Variants in LDB2 observed in about 807,000 individuals in gnomAD.
LDB2 encodes LIM domain-binding protein 2.
LDB2 carries 12 observed loss-of-function variants against 44.3 expected under a neutral mutation model. The observed-to-expected ratio is 0.27, with a 90% CI of 0.17 to 0.44. The LOEUF (loss-of-function observed/expected upper bound fraction) is 0.44. Among genes scored for constraint, LDB2 ranks in the 20% least tolerant of loss-of-function variants. The pLI is 1.00. For synonymous variants in LDB2, 164 were observed against 174.8 expected, an observed-to-expected ratio of 0.94 and a Z score of 0.49; for missense variants, 344 against 473.5, an observed-to-expected ratio of 0.73 and a Z score of 2.54.
chr4:16,610,134 G>A (rs1725205970), intron 2 of LDB2, among the ~76,000 whole-genome samples: 1 of 151,828 alleles, frequency 6.6e-6, no homozygotes, highest in African/African-American at 2.4e-5. Flanking sequence ...ACTATTGAAA[G>A]AAAAACAAAC....
At chr4:16,631,649 C>T (rs2152495547) in intron 2 of LDB2, among the ~76,000 whole-genome samples, 1 of 152,100 alleles carries the variant, frequency 6.6e-6, no homozygotes, top group East Asian at 1.9e-4. Context: ...AATCCAGGAG[C>T]CGGTTTTTTG....
At chr4:16,794,927 G>C (rs1036938199) in intron 1 of LDB2, among the ~76,000 whole-genome samples, 1 of 152,182 alleles carries the variant, frequency 6.6e-6, no homozygotes, top group African/African-American at 2.4e-5. Flanking sequence ...ACAGTATTGA[G>C]CACTCATGGC....
chr4:16,527,956 G>A (rs998898301), intron 5 of LDB2, among the ~76,000 whole-genome samples: 2 of 151,098 alleles, frequency 1.3e-5, no homozygotes, highest in Non-Finnish European at 2.9e-5. Flanking sequence ...AAAGCTGGGA[G>A]GAAAAGTGAA....
chr4:16,736,337 C>A (rs1761912098), intron 2 of LDB2, among the ~76,000 whole-genome samples: 2 of 152,228 alleles, frequency 1.3e-5, no homozygotes, highest in African/African-American at 2.4e-5. Context: ...ACTCAACACA[C>A]AACACTCCTG....
intron 1 of LDB2, among the ~76,000 whole-genome samples, chr4:16,779,712 A>T (rs1409846131): frequency 1.3e-5 from 2 of 152,220 alleles, no homozygotes; most frequent in Non-Finnish European, 2.9e-5. Context: ...TGAATAGGGC[A>T]AGTTAGTTTT....
chr4:16,544,424 C>T (rs1206014150), intron 5 of LDB2, among the ~76,000 whole-genome samples: 1 of 152,100 alleles, frequency 6.6e-6, no homozygotes, highest in Non-Finnish European at 1.5e-5. Flanking sequence ...GTTTGGATTT[C>T]ACTGTGAGAT....
chr4:16,543,104 C>T (rs752122514), intron 5 of LDB2, among the ~76,000 whole-genome samples: 12 of 152,110 alleles, frequency 7.9e-5, no homozygotes, highest in Non-Finnish European at 1.6e-4. Flanking sequence ...GACATGAATT[C>T]ATCCTTTTTA....
intron 1 of LDB2, among the ~76,000 whole-genome samples, chr4:16,861,944 CAGA>C (rs1312687790): frequency 6.6e-6 from 1 of 152,202 alleles, no homozygotes; most frequent in Non-Finnish European, 1.5e-5. Flanking sequence ...ACTCTTTGCT[CAGA>C]TGCCCCAGCC....
At chr4:16,787,421 T>G (rs1321134600) in intron 1 of LDB2, among the ~76,000 whole-genome samples, 1 of 152,162 alleles carries the variant, frequency 6.6e-6, no homozygotes, top group African/African-American at 2.4e-5. Flanking sequence ...GAGACCAGCC[T>G]GGTCAACATG....
At chr4:16,685,192 T>C (rs2152572346) in intron 2 of LDB2, among the ~76,000 whole-genome samples, 1 of 152,284 alleles carries the variant, frequency 6.6e-6, no homozygotes, top group East Asian at 1.9e-4. Flanking sequence ...GGAAAGGATA[T>C]TTACCAGCTG....
At chr4:16,690,895 G>A (rs1225898154) in intron 2 of LDB2, among the ~76,000 whole-genome samples, 2 of 152,102 alleles carry the variant, frequency 1.3e-5, no homozygotes, top group Non-Finnish European at 2.9e-5. Flanking sequence ...CAATTATCTA[G>A]AAATAAGCTT....
At chr4:16,855,956 C>T (rs911965803) in intron 1 of LDB2, among the ~76,000 whole-genome samples, 7 of 152,140 alleles carry the variant, frequency 4.6e-5, no homozygotes, top group Non-Finnish European at 8.8e-5. Context: ...TCAGATTCCA[C>T]ACTAAAGCTA....
intron 2 of LDB2, among the ~76,000 whole-genome samples, chr4:16,637,388 C>T (rs1733911510): frequency 8.3e-6 from 1 of 120,828 alleles, no homozygotes; most frequent in Admixed American, 1.2e-4. Context: ...AGCTGTTATT[C>T]ATAAGCAATT....
intron 2 of LDB2, among the ~76,000 whole-genome samples, chr4:16,746,100 A>G (rs1004449917): frequency 6.6e-6 from 1 of 152,208 alleles, no homozygotes; most frequent in Non-Finnish European, 1.5e-5. Context: ...AATATTGACC[A>G]TGGGCCTTTC....
intron 2 of LDB2, among the ~76,000 whole-genome samples, chr4:16,641,158 TG>T (rs1430704637): frequency 1.3e-5 from 2 of 152,120 alleles, no homozygotes; most frequent in Non-Finnish European, 2.9e-5. Context: ...CTGTGATGTA[TG>T]GACAATATTT....
chr4:16,803,897 T>C (rs193266512), intron 1 of LDB2, among the ~76,000 whole-genome samples: 1 of 152,364 alleles, frequency 6.6e-6, no homozygotes, highest in Non-Finnish European at 1.5e-5. Flanking sequence ...AATATGGAAC[T>C]GAAATAGCTT....
At chr4:16,731,720 G>C (rs905920191) in intron 2 of LDB2, among the ~76,000 whole-genome samples, 2 of 152,100 alleles carry the variant, frequency 1.3e-5, no homozygotes, top group African/African-American at 2.4e-5. Flanking sequence ...AGCTGTCTAA[G>C]ACACTTGTAA....
intron 2 of LDB2, among the ~76,000 whole-genome samples, chr4:16,639,708 C>T (rs1734622181): frequency 6.6e-6 from 1 of 152,240 alleles, no homozygotes; most frequent in South Asian, 2.1e-4. Context: ...GATCCGCCCA[C>T]CTCAGCCTCC....
chr4:16,753,826 T>G (rs1765950654), intron 2 of LDB2, among the ~76,000 whole-genome samples: 2 of 152,136 alleles, frequency 1.3e-5, no homozygotes, highest in Admixed American at 6.5e-5. Context: ...AATGAAAATT[T>G]TATCTGCATT....
Sources: allele counts gnomAD v4.1 joint callset (sites outside exome capture counted in the v4.1 genomes callset), GRCh38; gene constraint gnomAD v4.1.1; transcripts MANE v1.5; gene names NCBI Gene and HGNC (gene_info 2026-07-23, HGNC 2026-07-21).